PCSK6: variants seen among roughly 807,000 people sequenced by gnomAD.
The protein encoded by PCSK6 is paired basic amino acid cleaving enzyme 4.
PCSK6 carries 85 observed loss-of-function variants against 123.3 expected under a neutral mutation model. That is an observed-to-expected ratio of 0.69 (90% CI 0.58 to 0.83). PCSK6 has a LOEUF of 0.83. Among genes scored for constraint, PCSK6 ranks in the 40% least tolerant of loss-of-function variants. PCSK6 has a pLI of 0.00. For missense variants in PCSK6, 1,191 were observed against 1,282.3 expected (o/e 0.93, Z 1.09); for synonymous variants, 508 against 516.0 (o/e 0.98, Z 0.21).
At chr15:101,396,467 A>G (rs1347750100) in intron 7 of PCSK6, among the ~76,000 whole-genome samples, 1 of 152,202 alleles carries the variant, frequency 6.6e-6, no homozygotes, top group Non-Finnish European at 1.5e-5. Flanking sequence ...AACACCATCC[A>G]AAGCAATATG....
intron 9 of PCSK6, among the ~76,000 whole-genome samples, chr15:101,385,873 G>C (rs753345435): frequency 7.2e-5 from 11 of 152,202 alleles, no homozygotes; most frequent in African/African-American, 9.7e-5. Context: ...CCATTTGACA[G>C]ATAAATATTT....
chr15:101,373,973 T>C (rs950884151), intron 11 of PCSK6, among the ~76,000 whole-genome samples: 1 of 152,214 alleles, frequency 6.6e-6, no homozygotes, highest in African/African-American at 2.4e-5. Flanking sequence ...CTGTGGTCTA[T>C]GTACATAAAG....
intron 2 of PCSK6, among the ~76,000 whole-genome samples, chr15:101,434,233 G>A (rs149903119): frequency 4.5e-4 from 69 of 152,272 alleles, no homozygotes; most frequent in African/African-American, 1.4e-3. Context: ...TGTAGATCCC[G>A]CACAGCCCAA....
intron 19 of PCSK6, among the ~76,000 whole-genome samples, chr15:101,315,712 C>T (rs986465527): frequency 6.6e-6 from 1 of 152,286 alleles, no homozygotes; most frequent in Non-Finnish European, 1.5e-5. Flanking sequence ...GCTTGGGGCA[C>T]TGCCCCGCAA....
At chr15:101,392,405 A>G (rs72770780) in intron 8 of PCSK6, among the ~76,000 whole-genome samples, 30,795 of 152,230 alleles carry the variant, frequency 0.2, 3,553 homozygotes, top group Middle Eastern at 0.27. Context: ...AAAAGTGTAA[A>G]AATAAATTTG....
At chr15:101,438,534 T>C (rs894045104) in intron 2 of PCSK6, among the ~76,000 whole-genome samples, 1 of 152,222 alleles carries the variant, frequency 6.6e-6, no homozygotes, top group African/African-American at 2.4e-5. Context: ...TCCTGTTGCA[T>C]TGGCAAGAGA....
At chr15:101,382,587 C>T (rs1169620007) in intron 10 of PCSK6, among the ~76,000 whole-genome samples, 1 of 152,152 alleles carries the variant, frequency 6.6e-6, no homozygotes, top group Non-Finnish European at 1.5e-5. Context: ...GAAACAAAAT[C>T]TGAGACCTCT....
chr15:101,445,604 C>T (rs1453086707), intron 1 of PCSK6, among the ~76,000 whole-genome samples: 1 of 152,164 alleles, frequency 6.6e-6, no homozygotes, highest in Non-Finnish European at 1.5e-5. Context: ...GGCTCCTCCT[C>T]ACCCGCACTA....
intron 7 of PCSK6, among the ~76,000 whole-genome samples, chr15:101,395,374 C>G (rs186248813): frequency 2.3e-4 from 35 of 152,330 alleles, no homozygotes; most frequent in African/African-American, 7.9e-4. Flanking sequence ...GTGCTGCTGG[C>G]TCTGGACCCC....
chr15:101,418,022 G>T (rs896490019), intron 6 of PCSK6, among the ~76,000 whole-genome samples: 2 of 151,998 alleles, frequency 1.3e-5, no homozygotes, highest in African/African-American at 4.8e-5. Context: ...TCACAAATAA[G>T]ATTAGAAACA....
Position 101,431,974 on chromosome 15 carries a change from G to A in PCSK6, c.513+16C>T, listed in dbSNP as rs1333338390. On this transcript the variant is annotated intron_variant, in intron 3 of 21. Coordinates refer to ENST00000611716, the MANE Select transcript of PCSK6 (RefSeq NM_002570.5). ...TGCAAGTGTCCTGGGGCAGACAGAG[G>A]TCCTGTCCTACTCACCAGGTACCAC... 4.4e-6 allele frequency: 7 copies of A among 1,578,208 alleles called. No individual in the cohort carries two copies. In the East Asian group the frequency reaches 1.6e-4, roughly 35 times the overall value.
At chr15:101,410,134 T>C (rs2101817) in intron 6 of PCSK6, among the ~76,000 whole-genome samples, 44,475 of 152,186 alleles carry the variant, frequency 0.29, 7,167 homozygotes, top group African/African-American at 0.44. Context: ...GGTCTCACTA[T>C]GTTGTTGAGG....
intron 1 of PCSK6, among the ~76,000 whole-genome samples, chr15:101,467,358 T>C (rs1033948985): frequency 4.0e-5 from 6 of 151,884 alleles, no homozygotes; most frequent in African/African-American, 1.5e-4. Flanking sequence ...CTGCCACCTC[T>C]GCCTCCCAGT....
chr15:101,332,971 T>A (rs865960897), intron 13 of PCSK6, among the ~76,000 whole-genome samples: 4 of 152,254 alleles, frequency 2.6e-5, no homozygotes, highest in African/African-American at 9.6e-5. Context: ...GGAAGCCAGA[T>A]GCATTCAGTA....
At chr15:101,417,841 GT>G (rs879516261) in intron 6 of PCSK6, among the ~76,000 whole-genome samples, 491 of 150,444 alleles carry the variant, frequency 3.3e-3, no homozygotes, top group Non-Finnish European at 5.2e-3. Context: ...GCAAAAGCCT[GT>G]TTTTTTTTAT....
intron 6 of PCSK6, among the ~76,000 whole-genome samples, chr15:101,420,958 T>C (rs1334600866): frequency 6.6e-6 from 1 of 152,176 alleles, no homozygotes; most frequent in Non-Finnish European, 1.5e-5. Context: ...TCTTTTTTAT[T>C]ATTTTTGAGA....
At chr15:101,475,237 C>T (rs953036385) in intron 1 of PCSK6, among the ~76,000 whole-genome samples, 3 of 152,164 alleles carry the variant, frequency 2.0e-5, no homozygotes, top group African/African-American at 4.8e-5. Context: ...CACTGAGTGA[C>T]GAGCCCAAAG....
rs1419052396 is a variant in PCSK6 at position 101,464,898 on chromosome 15, C to G, written c.298-21238G>C. On this transcript the variant is annotated intron_variant, in intron 1 of 21. Coordinates refer to ENST00000611716, the MANE Select transcript of PCSK6 (RefSeq NM_002570.5). Reference sequence around the variant, plus strand: ...CACTCTCCACGGGAACTGCGGGATCCTGGGTAGTAGGGGCCAGCGGCGGGC... The same window carrying G: ...CACTCTCCACGGGAACTGCGGGATCGTGGGTAGTAGGGGCCAGCGGCGGGC... Among the ~76,000 whole-genome samples the G allele has an allele frequency of 6.6e-5, 10 of 152,284 alleles. No homozygotes were observed. The East Asian group carries it at 1.9e-3, about 29-fold the overall frequency.
chr15:101,326,377 C>T lies in PCSK6; in HGVS notation c.2180G>A (p.Arg727Lys). The T allele has an allele frequency of 1.2e-5, 19 of 1,567,050 alleles. No homozygotes were observed. Among genetic ancestry groups the T allele is most frequent in the Non-Finnish European group, 1.6e-5 (19 of 1,155,412 alleles). The change falls in exon 16 of 22, where the codon AGG (arginine) becomes AAG (lysine). Residue 727 changes from arginine to lysine, a missense_variant and splice_region_variant. This residue lies in a region of PCSK6 where 630 missense variants were observed against 631.4 expected (regional missense o/e 1.00). Transcript: ENST00000611716. Reference sequence around the variant, plus strand: ...CACAGGGCTGCGGGACATGCATTACCTGCTGGTCTTGACACTCCCCAGGCT... The same window carrying T: ...CACAGGGCTGCGGGACATGCATTACTTGCTGGTCTTGACACTCCCCAGGCT... ...HFSLGSVKTS[R>K]KCVSVCPLGY...
Sources: gnomAD v4.1 joint callset for allele counts (sites outside exome capture counted in the v4.1 genomes callset) on GRCh38, gnomAD v4.1.1 for gene constraint, gnomAD v4.1.1 regional missense constraint, MANE v1.5 for transcripts, NCBI Gene and HGNC (gene_info 2026-07-23, HGNC 2026-07-21) for gene names.